FAF1: variants seen among roughly 807,000 people sequenced by gnomAD.
The protein encoded by FAF1 is Fas associated factor 1, also known as FAS-associated factor 1.
In FAF1, 25 loss-of-function variants were observed where a neutral mutation model predicts 92.5. The observed-to-expected ratio is 0.27, with a 90% CI of 0.20 to 0.38. The LOEUF is 0.38. Ranked by LOEUF, FAF1 falls within the 10% of genes least tolerant of loss-of-function variation. The probability of loss-of-function intolerance (pLI) is 1.00; values close to 1 mark genes in which losing one functional copy is unlikely to be tolerated. For synonymous variants in FAF1, 234 were observed against 273.2 expected, an observed-to-expected ratio of 0.86 and a Z score of 1.42; for missense variants, 636 against 793.3, an observed-to-expected ratio of 0.80 and a Z score of 2.38.
At chr1:50,830,653 G>A (rs1210602051) in intron 2 of FAF1, among the ~76,000 whole-genome samples, 1 of 147,606 alleles carries the variant, frequency 6.8e-6, no homozygotes, top group Non-Finnish European at 1.5e-5. Context: ...TTCCTCCAGT[G>A]CTCAATTTTT....
At chr1:50,948,995 G>A (rs1324564897) in intron 1 of FAF1, among the ~76,000 whole-genome samples, 1 of 152,124 alleles carries the variant, frequency 6.6e-6, no homozygotes, top group East Asian at 1.9e-4. Flanking sequence ...AGATTTGGAA[G>A]GGACAAACAT....
intron 2 of FAF1, among the ~76,000 whole-genome samples, chr1:50,817,632 G>GT (rs1335101394): frequency 2.0e-5 from 3 of 152,200 alleles, no homozygotes; most frequent in Non-Finnish European, 4.4e-5. Flanking sequence ...GGTTAAGATG[G>GT]TAAGTTTTAT....
At chr1:50,622,256 G>A (rs1207398861) in intron 8 of FAF1, among the ~76,000 whole-genome samples, 3 of 151,984 alleles carry the variant, frequency 2.0e-5, no homozygotes, top group Non-Finnish European at 2.9e-5. Context: ...TAGCTAGGCT[G>A]GTCTGTGGCA....
intron 18 of FAF1, among the ~76,000 whole-genome samples, chr1:50,455,582 T>C (rs1646340950): frequency 6.6e-6 from 1 of 152,182 alleles, no homozygotes. Context: ...ATGGGGCATG[T>C]ATTATCAACA....
In FAF1 at chr1:50,952,576, G is replaced by A. The variant is rs374193216; in HGVS notation, c.45+7191C>T. Among the ~76,000 whole-genome samples the A allele has an allele frequency of 5.5e-4, 83 of 152,232 alleles. 1 individual carries two copies. The East Asian group carries it at 0.016, about 28-fold the overall frequency. The stretch of plus-strand genomic sequence containing the variant: ...GTCTCTGCCTGGCCACCCATCGTCT[G>A]GGATGTGAGGAGCCCCTCTGCCCAG... On this transcript the variant is annotated intron_variant, in intron 1 of 18. Transcript: ENST00000396153.
intron 8 of FAF1, among the ~76,000 whole-genome samples, chr1:50,617,578 T>C (rs1174065348): frequency 6.6e-6 from 1 of 152,098 alleles, no homozygotes; most frequent in Non-Finnish European, 1.5e-5. Context: ...TTTTGCATCT[T>C]TGTTCATCAG....
At chr1:50,464,302 T>C (rs1038397830) in intron 18 of FAF1, among the ~76,000 whole-genome samples, 4 of 152,208 alleles carry the variant, frequency 2.6e-5, no homozygotes, top group Non-Finnish European at 5.9e-5. Context: ...CCACTGCACC[T>C]GGCCTTCACT....
chr1:50,630,854 A>C lies in FAF1; in HGVS notation c.744+24588T>G, dbSNP rs1373328394. 2.9e-5 allele frequency among the ~76,000 whole-genome samples: 3 copies of C among 101,722 alleles called. No homozygotes were observed. In the East Asian group the frequency reaches 8.0e-4, roughly 27 times the overall value. 66.7% of individuals were successfully genotyped at this position (101,722 alleles called of 152,430 possible). ...TTTTTTTTTTTTTTTTTTTTTTGAG[A>C]GTCTCACTCTGTCGCCCAGGCTGGA... On this transcript the variant is annotated intron_variant, in intron 8 of 18. Transcript: ENST00000396153.
intron 1 of FAF1, among the ~76,000 whole-genome samples, chr1:50,884,387 G>T (rs1261262482): frequency 1.3e-5 from 2 of 151,658 alleles, no homozygotes; most frequent in Non-Finnish European, 2.9e-5. Flanking sequence ...AATTAGCCGG[G>T]CATGGTGATA....
intron 1 of FAF1, among the ~76,000 whole-genome samples, chr1:50,877,689 G>A (rs908274840): frequency 6.6e-6 from 1 of 151,902 alleles, no homozygotes; most frequent in African/African-American, 2.4e-5. Flanking sequence ...ACAGTTCTTT[G>A]TTTTCTAAGT....
chr1:50,582,063 C>T (rs535812953), intron 12 of FAF1, among the ~76,000 whole-genome samples: 1 of 152,012 alleles, frequency 6.6e-6, no homozygotes, highest in Admixed American at 6.6e-5. Flanking sequence ...GGCAGGGGCC[C>T]AAAGTGACTT....
At chr1:50,896,795 G>C (rs546701694) in intron 1 of FAF1, among the ~76,000 whole-genome samples, 189 of 152,302 alleles carry the variant, frequency 1.2e-3, no homozygotes, top group African/African-American at 4.1e-3. Flanking sequence ...GAGGGGCATG[G>C]AAAATTTGTG....
chr1:50,819,477 A>T lies in FAF1; in HGVS notation c.115-17800T>A, dbSNP rs1296695129. On this transcript the variant is annotated intron_variant, in intron 2 of 18. Transcript: ENST00000396153. ...AAAATTTAAAAATTAAAAAAAAAAA[A>T]TTAGCTAGGCATGGTGGTACACACC... 4.7e-5 allele frequency among the ~76,000 whole-genome samples: 7 copies of T among 149,814 alleles called. No individual in the cohort carries two copies. The East Asian group carries it at 1.2e-3, about 25-fold the overall frequency.
At chr1:50,558,622 T>G (rs1026591803) in intron 13 of FAF1, among the ~76,000 whole-genome samples, 2 of 152,074 alleles carry the variant, frequency 1.3e-5, no homozygotes, top group East Asian at 3.9e-4. Context: ...ATGAGAAAAA[T>G]AGAATGTGAT....
chr1:50,609,524 A>G (rs1284816555), intron 8 of FAF1, among the ~76,000 whole-genome samples: 2 of 152,170 alleles, frequency 1.3e-5, no homozygotes, highest in Admixed American at 6.5e-5. Flanking sequence ...AGCTGATACT[A>G]CAGGCACATG....
intron 12 of FAF1, among the ~76,000 whole-genome samples, chr1:50,575,199 C>T (rs570074012): frequency 9.9e-5 from 15 of 152,244 alleles, no homozygotes; most frequent in East Asian, 1.9e-4. Context: ...TGAGCCACTG[C>T]GCCCAGCCAA....
chr1:50,541,418 C>T (rs970962722), intron 13 of FAF1, among the ~76,000 whole-genome samples: 3 of 152,280 alleles, frequency 2.0e-5, no homozygotes, highest in Admixed American at 2.0e-4. Flanking sequence ...AGCAGCCTAA[C>T]CTTCTATGCC....
rs1646839923 is a variant in FAF1, at chr1:50,491,634, T to C, written c.1575+87A>G. 4 of 904,814 alleles carry C rather than the reference T, an allele frequency of 4.4e-6. No individual in the cohort carries two copies. The South Asian group carries it at 4.6e-5, about 10-fold the overall frequency. The allele number at this position is 904,814 out of a possible 1,614,324, so 56.0% of individuals were successfully genotyped here. A position where few individuals can be genotyped will look rare whatever the true frequency, so the allele number is the denominator to read the frequency against. On this transcript the variant is annotated intron_variant, in intron 16 of 18. Coordinates refer to ENST00000396153, the MANE Select transcript of FAF1 (RefSeq NM_007051.3). ...CTAGCTTTCTCTATTGCAAACCCAG[T>C]ATTTTTAGGGATCAAAGTGATAAAG...
At chr1:50,849,961 A>G (rs1024636585) in intron 2 of FAF1, among the ~76,000 whole-genome samples, 1 of 152,182 alleles carries the variant, frequency 6.6e-6, no homozygotes, top group Admixed American at 6.5e-5. Context: ...AACAATACAC[A>G]TTCTCTTTAA....
Sources: gnomAD v4.1 joint callset for allele counts (sites outside exome capture counted in the v4.1 genomes callset) on GRCh38, gnomAD v4.1.1 for gene constraint, MANE v1.5 for transcripts, NCBI Gene and HGNC (gene_info 2026-07-23, HGNC 2026-07-21) for gene names.